The following CYP2R1 variants were observed in gnomAD, a reference collection of about 807,000 sequenced individuals.
CYP2R1 encodes the protein cytochrome P450 family 2 subfamily R member 1.
A neutral mutation model predicts 45.7 loss-of-function variants in CYP2R1; 40 were observed. The observed-to-expected ratio is 0.87, with a 90% CI of 0.68 to 1.14. The LOEUF (loss-of-function observed/expected upper bound fraction) is 1.14, where lower values mean the gene tolerates loss of function less well. Among genes scored for constraint, CYP2R1 ranks in the 50% most tolerant of loss-of-function variants. The probability of loss-of-function intolerance (pLI) is 0.00; values close to 1 mark genes in which losing one functional copy is unlikely to be tolerated. For synonymous variants in CYP2R1, 234 were observed against 219.3 expected, an observed-to-expected ratio of 1.07 and a Z score of -0.59; for missense variants, 605 against 602.6, an observed-to-expected ratio of 1.00 and a Z score of -0.04.
At chr11:14,891,860 C>A in intron 1 of CYP2R1, 121 bp downstream of exon 1, 3 of 1,410,588 alleles carry the variant, frequency 2.1e-6, no homozygotes, top group Non-Finnish European at 2.8e-6. Context: ...AAAGGGCAGC[C>A]GGCACACGGA....
At chr11:14,883,772 T>C (rs1200582268) in intron 2 of CYP2R1, among the ~76,000 whole-genome samples, 10 of 152,092 alleles carry the variant, frequency 6.6e-5, no homozygotes, top group South Asian at 4.1e-4. Flanking sequence ...AGAAAATTTT[T>C]GCAACCTACT....
intron 2 of CYP2R1, among the ~76,000 whole-genome samples, chr11:14,882,257 A>G (rs1325270281): frequency 6.6e-6 from 1 of 152,162 alleles, no homozygotes; most frequent in African/African-American, 2.4e-5. Flanking sequence ...AGTAGGAAAG[A>G]CAGACAAAAC....
intron 1 of CYP2R1, among the ~76,000 whole-genome samples, chr11:14,888,803 AATT>A (rs1555015536): frequency 6.6e-6 from 1 of 152,190 alleles, no homozygotes; most frequent in Admixed American, 6.5e-5. Context: ...TGTAAAAATA[AATT>A]AATACGCTGT....
Position 14,880,476 on chromosome 11 carries a change from T to C in CYP2R1, c.660A>G (p.Leu220=), listed in dbSNP as rs782147739. ...MIELFSENVE[L]AASASVFLYN... is the part of the protein sequence containing the mutation. ...ACAAGAAGACTGAGGCACTGGCAGC[T>C]AGTTCCACATTTTCACTAAATAACT... is the stretch of plus-strand genomic sequence containing the variant. Residue 220 remains leucine, a synonymous_variant, in exon 3 of 5, where the codon CTA becomes CTG. Coordinates refer to ENST00000334636, the MANE Select transcript of CYP2R1 (RefSeq NM_024514.5). The C allele has an allele frequency of 5.0e-6, 8 of 1,613,524 alleles. No individual in the cohort carries two copies. The highest frequency in any genetic ancestry group is 6.8e-6 in the Non-Finnish European group (8 of 1,179,700).
intron 4 of CYP2R1, among the ~76,000 whole-genome samples, chr11:14,878,612 A>G (rs1848248693): frequency 6.6e-6 from 1 of 152,154 alleles, no homozygotes; most frequent in South Asian, 2.1e-4. Context: ...CATTTTGCTC[A>G]AGAACAGTCC....
Position 14,880,434 on chromosome 11 carries a change from C to G in CYP2R1, c.702G>C (p.Trp234Cys). 1 of 1,613,392 alleles carries G rather than the reference C, an allele frequency of 6.2e-7. No homozygotes were observed. Among genetic ancestry groups the G allele is most frequent in the Non-Finnish European group, 8.5e-7 (1 of 1,179,664 alleles). The change falls in exon 3 of 5, where the codon TGG becomes TGC. Residue 234 changes from tryptophan (W) to cysteine (C), a missense_variant. Trp to Cys is a radical substitution (Grantham distance 215, BLOSUM62 -2). Coordinates refer to ENST00000334636, the MANE Select transcript of CYP2R1 (RefSeq NM_024514.5). ...GTTTTCCAAAAGGCAGGATGCCAAT[C>G]CATGGAAAGGCATTATACAAGAAGA... ...ASVFLYNAFPWIGILPFGKHQ... is the reference protein window; with the variant it reads ...ASVFLYNAFPCIGILPFGKHQ...
intron 3 of CYP2R1, among the ~76,000 whole-genome samples, chr11:14,879,660 A>G (rs1848299644): frequency 6.6e-6 from 1 of 151,758 alleles, no homozygotes; most frequent in African/African-American, 2.4e-5. Context: ...TAACAAGCCA[A>G]TAGGATATAG....
rs1848336247 is a variant in CYP2R1 at position 14,880,487 on chromosome 11, T to C, written c.649A>G (p.Asn217Asp). ...GAGGCACTGGCAGCTAGTTCCACAT[T>C]TTCACTAAATAACTCAATCATGTGC... ...FQHMIELFSENVELAASASVF... is the reference protein window; with the variant it reads ...FQHMIELFSEDVELAASASVF... Residue 217 changes from asparagine to aspartate, a missense_variant, in exon 3 of 5, where the codon AAT (asparagine) becomes GAT (aspartate). Coordinates refer to ENST00000334636, the MANE Select transcript of CYP2R1 (RefSeq NM_024514.5). 6.2e-7 allele frequency: 1 copy of C among 1,613,518 alleles called. No individual in the cohort carries two copies. Among genetic ancestry groups the C allele is most frequent in the African/African-American group, 1.3e-5 (1 of 75,016 alleles).
chr11:14,883,337 T>C (rs1301611868), intron 2 of CYP2R1, among the ~76,000 whole-genome samples: 2 of 151,954 alleles, frequency 1.3e-5, no homozygotes, highest in African/African-American at 4.8e-5. Context: ...AAAACAGAGA[T>C]ATAGATCAAT....
chr11:14,891,348 G>A (rs1254307319), intron 1 of CYP2R1: 12 of 985,372 alleles, frequency 1.2e-5, no homozygotes, highest in Non-Finnish European at 1.3e-5. Context: ...TTCCCAGCCA[G>A]TCAGAACGGC....
At chr11:14,882,753 G>C (rs535643437) in intron 2 of CYP2R1, among the ~76,000 whole-genome samples, 1 of 152,228 alleles carries the variant, frequency 6.6e-6, no homozygotes, top group Non-Finnish European at 1.5e-5. Context: ...GTCTCTGTTT[G>C]CAGATGACAT....
chr11:14,885,393 T>C (rs1565184138), intron 2 of CYP2R1, among the ~76,000 whole-genome samples: 1 of 152,132 alleles, frequency 6.6e-6, no homozygotes, highest in Non-Finnish European at 1.5e-5. Flanking sequence ...CTGCTTCAAG[T>C]TCTGTAAGCT....
intron 2 of CYP2R1, among the ~76,000 whole-genome samples, chr11:14,882,931 C>T (rs1848448624): frequency 6.6e-6 from 1 of 152,050 alleles, no homozygotes; most frequent in South Asian, 2.1e-4. Context: ...CTCCCATTCA[C>T]AATTGCTTCA....
intron 1 of CYP2R1, chr11:14,891,201 T>C: frequency 1.0e-6 from 1 of 985,338 alleles, no homozygotes; most frequent in Non-Finnish European, 1.2e-6. Flanking sequence ...GGCATTTCCG[T>C]GCTGCTTTCC....
At chr11:14,888,756 C>T (rs1848713926) in intron 1 of CYP2R1, among the ~76,000 whole-genome samples, 1 of 152,150 alleles carries the variant, frequency 6.6e-6, no homozygotes, top group Non-Finnish European at 1.5e-5. Flanking sequence ...TACACAGAAT[C>T]TCATTCAGTG....
Position 14,880,141 on chromosome 11 carries a change from A to G in CYP2R1, c.995T>C (p.Ile332Thr), listed in dbSNP as rs368317393. Residue 332 changes from isoleucine (I) to threonine (T), a missense_variant, in exon 3 of 5, where the codon ATT (isoleucine) becomes ACT (threonine). Coordinates refer to ENST00000334636, the MANE Select transcript of CYP2R1 (RefSeq NM_024514.5). ...AILFMALYPN[I>T]QGQVQKEIDL... The stretch of plus-strand genomic sequence containing the variant: ...ATCATCAAGAGAATCCTCACCTTGA[A>G]TATTAGGATAAAGGGCCATGAAAAG... 34 of 1,612,566 alleles carry G rather than the reference A, an allele frequency of 2.1e-5. No homozygotes were observed. Among genetic ancestry groups the G allele is most frequent in the Admixed American group, 1.3e-4 (8 of 59,796 alleles).
intron 3 of CYP2R1, 31 bp from the exon 4 acceptor site, chr11:14,879,474 G>A (rs1555011130): frequency 2.6e-6 from 4 of 1,528,044 alleles, no homozygotes; most frequent in Admixed American, 3.5e-5. Flanking sequence ...AAGTTATTAT[G>A]CAGTTCTTAG....
At chr11:14,881,533 A>C (rs1486787066) in intron 2 of CYP2R1, among the ~76,000 whole-genome samples, 1 of 152,144 alleles carries the variant, frequency 6.6e-6, no homozygotes, top group Non-Finnish European at 1.5e-5. Context: ...GATAAATTTC[A>C]CATTGATAAG....
At chr11:14,886,299 T>A (rs1555014679) in intron 1 of CYP2R1, 1 of 182,038 alleles carries the variant, frequency 5.5e-6, no homozygotes, top group Non-Finnish European at 1.2e-5. Context: ...CTTTTATGAT[T>A]CATTTTACCT....
Sources: allele counts gnomAD v4.1 joint callset (sites outside exome capture counted in the v4.1 genomes callset), GRCh38; gene constraint gnomAD v4.1.1; transcripts MANE v1.5; gene names NCBI Gene and HGNC (gene_info 2026-07-23, HGNC 2026-07-21).